EVI2B: variants seen among roughly 807,000 people sequenced by gnomAD.
EVI2B encodes the protein ecotropic viral integration site 2B.
A neutral mutation model predicts 6.6 loss-of-function variants in EVI2B; 4 were observed. The ratio of observed to expected loss-of-function variants is 0.61; its 90% CI spans 0.30 to 1.39. The LOEUF (loss-of-function observed/expected upper bound fraction) is 1.39, where lower values mean the gene tolerates loss of function less well. Ranked by LOEUF, EVI2B falls within the 40% of genes most tolerant of loss-of-function variation. The pLI is 0.08. For synonymous variants in EVI2B, 181 were observed against 186.8 expected, an observed-to-expected ratio of 0.97 and a Z score of 0.25; for missense variants, 484 against 516.6, an observed-to-expected ratio of 0.94 and a Z score of 0.61.
intron 1 of EVI2B, chr17:31,307,937 G>A (rs759176755): frequency 7.8e-7 from 1 of 1,288,228 alleles, no homozygotes; most frequent in South Asian, 1.2e-5. Flanking sequence ...CTACCACTTG[G>A]TACACAGTGA....
intron 1 of EVI2B, chr17:31,308,000 T>A (rs2068769252): frequency 9.6e-7 from 1 of 1,045,042 alleles, no homozygotes; most frequent in African/African-American, 1.6e-5. Context: ...TTTTTCCCTA[T>A]ACGAATAATT....
At chr17:31,306,235 A>G in intron 1 of EVI2B, among the ~76,000 whole-genome samples, 1 of 152,020 alleles carries the variant, frequency 6.6e-6, no homozygotes, top group Non-Finnish European at 1.5e-5. Flanking sequence ...GTTAATTGAT[A>G]TTCTGTCCTC....
chr17:31,305,795 G>A (rs1412395627), intron 1 of EVI2B, among the ~76,000 whole-genome samples, 165 bp from the exon 2 acceptor site: 2 of 152,186 alleles, frequency 1.3e-5, no homozygotes, highest in African/African-American at 4.8e-5. Context: ...TTGATACACT[G>A]TAGGTTTGGT....
intron 1 of EVI2B, among the ~76,000 whole-genome samples, chr17:31,312,854 C>T (rs1464083829): frequency 7.9e-6 from 1 of 126,176 alleles, no homozygotes; most frequent in Non-Finnish European, 1.9e-5. Context: ...ATGTAAAATA[C>T]TCTTTGCAGT....
chr17:31,311,968 G>A (rs766259478), intron 1 of EVI2B, among the ~76,000 whole-genome samples: 9 of 152,148 alleles, frequency 5.9e-5, no homozygotes, highest in Non-Finnish European at 1.0e-4. Context: ...ACCCATTTTA[G>A]TCCTGATTCT....
chr17:31,313,127 G>T (rs879753824), intron 1 of EVI2B, among the ~76,000 whole-genome samples: 1 of 152,022 alleles, frequency 6.6e-6, no homozygotes, highest in African/African-American at 2.4e-5. Context: ...AATAAAGCAT[G>T]TATAATAATA....
intron 1 of EVI2B, among the ~76,000 whole-genome samples, chr17:31,312,470 G>C (rs2068901750): frequency 6.7e-6 from 1 of 149,656 alleles, no homozygotes; most frequent in South Asian, 2.1e-4. Flanking sequence ...TGTGAGCCAA[G>C]ATGGTGCCGC....
chr17:31,312,512 C>T (rs376086574), intron 1 of EVI2B, among the ~76,000 whole-genome samples: 2 of 145,936 alleles, frequency 1.4e-5, no homozygotes, highest in East Asian at 4.0e-4. Flanking sequence ...GAGGGAGACT[C>T]CATCTCAAAA....
At chr17:31,306,763 A>C (rs2068732652) in intron 1 of EVI2B, among the ~76,000 whole-genome samples, 1 of 151,560 alleles carries the variant, frequency 6.6e-6, no homozygotes, top group Non-Finnish European at 1.5e-5. Flanking sequence ...TAAATGCCAC[A>C]TTTGTGTGGA....
rs1020524065 is a variant in EVI2B, at chr17:31,304,056, A to C, written c.*207T>G. ...GTAAAATGTACTATACTTTAAAGAT[A>C]GGTACTATAATTAGTAAATAGATTA... On this transcript the variant is annotated 3_prime_UTR_variant, in exon 2 of 2. Transcript: ENST00000330927. 2 of 469,522 alleles carry C rather than the reference A, an allele frequency of 4.3e-6. No homozygotes were observed. Among genetic ancestry groups the C allele is most frequent in the Non-Finnish European group, 7.5e-6 (2 of 268,010 alleles). 29.1% of individuals were successfully genotyped at this position (469,522 alleles called of 1,614,324 possible). A position where few individuals can be genotyped will look rare whatever the true frequency, so the allele number is the denominator to read the frequency against.
chr17:31,312,673 A>G (rs1406622816), intron 1 of EVI2B, among the ~76,000 whole-genome samples: 1 of 152,172 alleles, frequency 6.6e-6, no homozygotes, highest in Non-Finnish European at 1.5e-5. Context: ...TTAGAAGTAG[A>G]AAAATATATA....
At position 31,304,027 on chromosome 17, in the gene EVI2B, A is replaced by G. The variant is rs575481764; in HGVS notation, c.*236T>C. On this transcript the variant is annotated 3_prime_UTR_variant, in exon 2 of 2. Transcript: ENST00000330927. The stretch of plus-strand genomic sequence containing the variant: ...TAAATTATTGAAACATACCATTTAC[A>G]TATGTAAAATGTACTATACTTTAAA... The G allele has an allele frequency of 1.9e-5, 7 of 361,126 alleles. No homozygotes were observed. Among genetic ancestry groups the G allele is most frequent in the African/African-American group, 1.0e-4 (5 of 48,106 alleles). 22.4% of individuals were successfully genotyped at this position (361,126 alleles called of 1,614,324 possible).
At chr17:31,311,284 G>A (rs964068641) in intron 1 of EVI2B, among the ~76,000 whole-genome samples, 9 of 151,962 alleles carry the variant, frequency 5.9e-5, no homozygotes, top group African/African-American at 2.2e-4. Context: ...TAATGCATAA[G>A]TACTTAAAGG....
At chr17:31,309,444 T>G (rs185840065) in intron 1 of EVI2B, among the ~76,000 whole-genome samples, 2 of 152,376 alleles carry the variant, frequency 1.3e-5, no homozygotes, top group Non-Finnish European at 1.5e-5. Flanking sequence ...ATATAGGGAT[T>G]TGAATAATCT....
At chr17:31,307,909 A>G (rs2068766937) in intron 1 of EVI2B, 7 of 1,289,286 alleles carry the variant, frequency 5.4e-6, no homozygotes, top group Non-Finnish European at 7.1e-6. Context: ...TCTAAACAGC[A>G]TATCATTGCT....
chr17:31,308,278 C>A (rs889083524), intron 1 of EVI2B, among the ~76,000 whole-genome samples: 1 of 151,928 alleles, frequency 6.6e-6, no homozygotes, highest in African/African-American at 2.4e-5. Flanking sequence ...GCTGGGACTA[C>A]AGTAGGCATA....
intron 1 of EVI2B, among the ~76,000 whole-genome samples, chr17:31,311,389 G>A (rs2068871761): frequency 6.6e-6 from 1 of 152,126 alleles, no homozygotes; most frequent in Non-Finnish European, 1.5e-5. Context: ...GCATATCCTA[G>A]ACAAAAGACA....
intron 1 of EVI2B, among the ~76,000 whole-genome samples, chr17:31,313,404 G>A (rs1462347143): frequency 6.6e-6 from 1 of 151,924 alleles, no homozygotes; most frequent in South Asian, 2.1e-4. Flanking sequence ...TAAAACTAAG[G>A]TTAACAAATA....
intron 1 of EVI2B, among the ~76,000 whole-genome samples, chr17:31,309,989 G>A (rs2068825546): frequency 6.6e-6 from 1 of 152,182 alleles, no homozygotes; most frequent in African/African-American, 2.4e-5. Context: ...GCAATTCAGT[G>A]TAGTCCAGAG....
Sources: allele counts gnomAD v4.1 joint callset (sites outside exome capture counted in the v4.1 genomes callset), GRCh38; gene constraint gnomAD v4.1.1; transcripts MANE v1.5; gene names NCBI Gene and HGNC (gene_info 2026-07-23, HGNC 2026-07-21).